LRCH1: variants seen among roughly 807,000 people sequenced by gnomAD.
LRCH1 encodes leucine-rich repeat and calponin homology domain-containing protein 1.
A neutral mutation model predicts 94.9 loss-of-function variants in LRCH1; 23 were observed. The ratio of observed to expected loss-of-function variants is 0.24; its 90% CI spans 0.17 to 0.34. The LOEUF is 0.34. LRCH1 is among the 10% of genes least tolerant of loss of function. LRCH1 has a pLI of 1.00. For synonymous variants in LRCH1, 364 were observed against 354.9 expected (o/e 1.03, Z -0.29); for missense variants, 790 against 945.9 (o/e 0.84, Z 2.16).
chr13:46,583,764 A>AT (rs34881091), intron 1 of LRCH1, among the ~76,000 whole-genome samples: 10,244 of 142,894 alleles, frequency 0.072, 459 homozygotes, highest in Non-Finnish European at 0.11. Context: ...GAATTTTTCT[A>AT]TTTTTTTTTT....
At position 46,594,327 on chromosome 13, in the gene LRCH1, G is replaced by A. The variant is rs149394401; in HGVS notation, c.307+40624G>A. Reference sequence around the variant, plus strand: ...AATTTCCAAGCTAATAGCAAGTTATGTAAAAAATACTACTTGCTGATGAGG... The same window carrying A: ...AATTTCCAAGCTAATAGCAAGTTATATAAAAAATACTACTTGCTGATGAGG... On this transcript the variant is annotated intron_variant, in intron 1 of 19. Transcript: ENST00000389797. 1.1e-4 allele frequency among the ~76,000 whole-genome samples: 17 copies of A among 152,066 alleles called. No homozygotes were observed. The East Asian group carries it at 3.1e-3, about 28-fold the overall frequency.
chr13:46,713,723 C>G (rs570525874), intron 15 of LRCH1, among the ~76,000 whole-genome samples: 1 of 152,308 alleles, frequency 6.6e-6, no homozygotes, highest in South Asian at 2.1e-4. Context: ...CAAATGTGAT[C>G]AGTTCCGGGC....
intron 1 of LRCH1, among the ~76,000 whole-genome samples, chr13:46,575,349 G>A (rs948281547): frequency 2.0e-5 from 3 of 152,110 alleles, no homozygotes; most frequent in African/African-American, 7.2e-5. Flanking sequence ...CACAAGATGC[G>A]TGTGTGATTA....
Position 46,744,809 on chromosome 13 carries a change from A to G in LRCH1, c.*2961A>G, listed in dbSNP as rs1873841052. On this transcript the variant is annotated 3_prime_UTR_variant, in exon 20 of 20. Transcript: ENST00000389797. Reference sequence around the variant, plus strand: ...TTTTGGATTAGGTGAAAAATACTTTAATATGATTTTATTTCAGGAGACTTG... The same window carrying G: ...TTTTGGATTAGGTGAAAAATACTTTGATATGATTTTATTTCAGGAGACTTG... 1.0e-6 allele frequency: 1 copy of G among 983,540 alleles called. No homozygotes were observed. Among genetic ancestry groups the G allele is most frequent in the East Asian group, 1.1e-4 (1 of 8,822 alleles). 60.9% of individuals were successfully genotyped at this position (983,540 alleles called of 1,614,324 possible). A position where few individuals can be genotyped will look rare whatever the true frequency, so the allele number is the denominator to read the frequency against.
chr13:46,711,076 AG>A (rs1192097336), intron 13 of LRCH1, among the ~76,000 whole-genome samples: 1 of 152,030 alleles, frequency 6.6e-6, no homozygotes, highest in African/African-American at 2.4e-5. Context: ...TCTGTACCCC[AG>A]TATTCAGATT....
chr13:46,667,726 C>T (rs1463296717), intron 2 of LRCH1, among the ~76,000 whole-genome samples: 1 of 152,064 alleles, frequency 6.6e-6, no homozygotes, highest in African/African-American at 2.4e-5. Flanking sequence ...TAGGAGCACT[C>T]GTAACACATA....
chr13:46,587,425 C>A (rs6561321), intron 1 of LRCH1, among the ~76,000 whole-genome samples: 119,482 of 152,190 alleles, frequency 0.79, 47,078 homozygotes, highest in East Asian at 0.91. Flanking sequence ...CAGATTAGAC[C>A]GCCTTTCAGG....
chr13:46,729,732 C>T (rs1873008095), intron 18 of LRCH1, among the ~76,000 whole-genome samples: 1 of 152,036 alleles, frequency 6.6e-6, no homozygotes, highest in South Asian at 2.1e-4. Flanking sequence ...AATCTTTTTC[C>T]TCTATTCATC....
At chr13:46,645,709 C>T (rs1329243705) in intron 1 of LRCH1, among the ~76,000 whole-genome samples, 1 of 151,816 alleles carries the variant, frequency 6.6e-6, no homozygotes, top group Non-Finnish European at 1.5e-5. Flanking sequence ...AGAGTGGTTT[C>T]TATTATTAAT....
chr13:46,611,005 G>A (rs1416637852), intron 1 of LRCH1, among the ~76,000 whole-genome samples: 2 of 152,176 alleles, frequency 1.3e-5, no homozygotes, highest in African/African-American at 4.8e-5. Flanking sequence ...TGTTATTTGG[G>A]AGGGAATTTG....
At chr13:46,695,932 A>G (rs1328959682) in intron 9 of LRCH1, among the ~76,000 whole-genome samples, 1 of 152,214 alleles carries the variant, frequency 6.6e-6, no homozygotes, top group Non-Finnish European at 1.5e-5. Flanking sequence ...AAAATAATGA[A>G]CGTGACATAT....
intron 1 of LRCH1, among the ~76,000 whole-genome samples, chr13:46,615,661 A>T (rs2050799293): frequency 6.6e-6 from 1 of 152,048 alleles, no homozygotes. Context: ...CTTTTGTCTT[A>T]TTGTTTCCCA....
At chr13:46,598,487 T>G (rs1438096889) in intron 1 of LRCH1, among the ~76,000 whole-genome samples, 1 of 151,226 alleles carries the variant, frequency 6.6e-6, no homozygotes, top group African/African-American at 2.4e-5. Context: ...AATTTCAAGA[T>G]AACATTCTAC....
chr13:46,575,339 C>T (rs1158663119), intron 1 of LRCH1, among the ~76,000 whole-genome samples: 1 of 152,118 alleles, frequency 6.6e-6, no homozygotes, highest in Non-Finnish European at 1.5e-5. Context: ...GTCACAGAAC[C>T]ACAAGATGCG....
chr13:46,628,111 C>A (rs2050972839), intron 1 of LRCH1, among the ~76,000 whole-genome samples: 1 of 152,106 alleles, frequency 6.6e-6, no homozygotes, highest in Non-Finnish European at 1.5e-5. Flanking sequence ...CTAACAAAAA[C>A]AATGAAAACC....
At chr13:46,668,899 T>C (rs938000618) in intron 2 of LRCH1, 131 bp from the exon 3 acceptor site, 10 of 831,330 alleles carry the variant, frequency 1.2e-5, no homozygotes, top group Non-Finnish European at 1.9e-5. Context: ...ACAGAAAATA[T>C]ATTGGACTTC....
At chr13:46,692,396 G>T in intron 7 of LRCH1, 140 bp from the exon 8 acceptor site, 1 of 599,456 alleles carries the variant, frequency 1.7e-6, no homozygotes, top group South Asian at 2.4e-5. Flanking sequence ...TACATAAGTG[G>T]AATTGACCTT....
At chr13:46,568,698 A>G (rs1409620933) in intron 1 of LRCH1, among the ~76,000 whole-genome samples, 1 of 152,226 alleles carries the variant, frequency 6.6e-6, no homozygotes, top group Admixed American at 6.5e-5. Context: ...AGACATAGTG[A>G]CAGAAGCATA....
chr13:46,674,540 T>TA (rs2051645412), intron 3 of LRCH1, among the ~76,000 whole-genome samples: 1 of 152,216 alleles, frequency 6.6e-6, no homozygotes, highest in African/African-American at 2.4e-5. Context: ...TTTCTGACCT[T>TA]CCTGGCTGCT....
Sources: gnomAD v4.1 joint callset for allele counts (sites outside exome capture counted in the v4.1 genomes callset) on GRCh38, gnomAD v4.1.1 for gene constraint, MANE v1.5 for transcripts, NCBI Gene and HGNC (gene_info 2026-07-23, HGNC 2026-07-21) for gene names.